DDX60: variants seen among roughly 807,000 people sequenced by gnomAD.
DDX60 encodes DExD/H-box helicase 60.
Under a neutral mutation model 212.8 loss-of-function variants are expected in DDX60, and 165 were observed. That is an observed-to-expected ratio of 0.78 (90% CI 0.68 to 0.88). The LOEUF (loss-of-function observed/expected upper bound fraction) is 0.88, where lower values mean the gene tolerates loss of function less well. DDX60 is among the 40% of genes least tolerant of loss of function. The pLI, the probability that DDX60 is intolerant of heterozygous loss-of-function variation, is 0.00. For missense variants in DDX60, 1,905 were observed against 2,003.9 expected, an observed-to-expected ratio of 0.95 and a Z score of 0.94; for synonymous variants, 703 against 685.3, an observed-to-expected ratio of 1.03 and a Z score of -0.40.
rs570321512 is a variant in DDX60, at chr4:168,295,078, TAAC to T, written c.724-1136_724-1134del. Among the ~76,000 whole-genome samples the T allele has an allele frequency of 9.9e-4, 151 of 152,294 alleles. 2 individuals are homozygous for T. Among genetic ancestry groups the T allele is most frequent in the Admixed American group, 8.8e-3 (135 of 15,300 alleles). On this transcript the variant is annotated intron_variant, in intron 6 of 37. Coordinates refer to ENST00000393743, the MANE Select transcript of DDX60 (RefSeq NM_017631.6). The stretch of plus-strand genomic sequence containing the variant: ...GGGCTTTTATCAAAAAGATGAAAGA[TAAC>T]AAGTGTCAGAGAGGAAGCAGAGAAA...
At chr4:168,265,585 A>T (rs913132760) in intron 22 of DDX60, 1 of 152,152 alleles carries the variant, frequency 6.6e-6, no homozygotes, top group African/African-American at 2.4e-5. Context: ...TAGCAGTTCT[A>T]TTGCTTTCCA....
chr4:168,268,214 TA>T (rs1476211291), intron 20 of DDX60, among the ~76,000 whole-genome samples: 1 of 152,162 alleles, frequency 6.6e-6, no homozygotes, highest in Non-Finnish European at 1.5e-5. Context: ...AAAATGGAAA[TA>T]TGGTATTCAT....
intron 25 of DDX60, among the ~76,000 whole-genome samples, chr4:168,259,035 T>G (rs1316981054): frequency 1.3e-5 from 2 of 152,170 alleles, no homozygotes; most frequent in Non-Finnish European, 1.5e-5. Context: ...TTACCACTCT[T>G]TGTCCAATTC....
intron 29 of DDX60, among the ~76,000 whole-genome samples, chr4:168,247,882 C>T (rs564026378): frequency 6.6e-6 from 1 of 152,298 alleles, no homozygotes; most frequent in African/African-American, 2.4e-5. Flanking sequence ...ATCTTCCATA[C>T]AAATCACTTA....
At chr4:168,255,891 G>T in intron 25 of DDX60, 22 bp from the exon 26 acceptor site, 1 of 1,562,578 alleles carries the variant, frequency 6.4e-7, no homozygotes, top group South Asian at 1.2e-5. Flanking sequence ...AAGAATGTGC[G>T]CCTTGAAAAT....
chr4:168,251,015 C>T lies in DDX60; in HGVS notation c.3797G>A (p.Ser1266Asn), dbSNP rs368455295. The change falls in exon 28 of 38, where the codon AGT becomes AAT. Residue 1266 changes from serine to asparagine, a missense_variant. By Grantham distance (46) the Ser-to-Asn change is conservative (BLOSUM62 1). Transcript: ENST00000393743. ...LAERGIGYHH[S>N]AMSFKEKQLV... Reference sequence around the variant, plus strand: ...TTGTTTTTCTTTGAAACTCATAGCACTGTGATGATATCCAATACCCCTTTC... The same window carrying T: ...TTGTTTTTCTTTGAAACTCATAGCATTGTGATGATATCCAATACCCCTTTC... The T allele has an allele frequency of 1.2e-6, 2 of 1,611,712 alleles. No homozygotes were observed. Among genetic ancestry groups the T allele is most frequent in the Non-Finnish European group, 1.7e-6 (2 of 1,178,326 alleles).
Position 168,275,985 on chromosome 4 carries a change from G to A in DDX60, c.2145+30C>T, listed in dbSNP as rs190659273. 9 of 1,554,466 alleles carry A rather than the reference G, an allele frequency of 5.8e-6. No homozygotes were observed. The Admixed American group carries it at 1.1e-4, about 19-fold the overall frequency. On this transcript the variant is annotated intron_variant, in intron 15 of 37. Transcript: ENST00000393743. The stretch of plus-strand genomic sequence containing the variant: ...TTTATGTATACCTAATAATTACCCT[G>A]TTGAAATTGAGCTATTCTGATAATA...
At position 168,291,912 on chromosome 4, in the gene DDX60, T is replaced by C; in HGVS notation, c.883-6A>G. 1.2e-6 allele frequency: 2 copies of C among 1,600,280 alleles called. No individual in the cohort carries two copies. Among genetic ancestry groups the C allele is most frequent in the Non-Finnish European group, 1.7e-6 (2 of 1,174,732 alleles). On this transcript the variant is annotated splice_region_variant and splice_polypyrimidine_tract_variant and intron_variant, in intron 7 of 37. Transcript: ENST00000393743. Reference sequence around the variant, plus strand: ...GTTAAGCAATTACTGTTCACCTGAATAAAATAAAGAAGGTATAAGCCAGAG... The same window carrying C: ...GTTAAGCAATTACTGTTCACCTGAACAAAATAAAGAAGGTATAAGCCAGAG...
At chr4:168,276,573 T>A (rs1299683371) in intron 14 of DDX60, among the ~76,000 whole-genome samples, 1 of 152,210 alleles carries the variant, frequency 6.6e-6, no homozygotes, top group Non-Finnish European at 1.5e-5. Context: ...ATTTATTGAG[T>A]CCTATGGTTG....
At chr4:168,286,651 G>T (rs1193653243) in intron 10 of DDX60, among the ~76,000 whole-genome samples, 1 of 151,988 alleles carries the variant, frequency 6.6e-6, no homozygotes, top group African/African-American at 2.4e-5. Context: ...GAGAGCCCAT[G>T]TGGCCTTCCC....
At chr4:168,299,053 C>T (rs1015968905) in intron 6 of DDX60, among the ~76,000 whole-genome samples, 1 of 147,536 alleles carries the variant, frequency 6.8e-6, no homozygotes, top group African/African-American at 2.5e-5. Context: ...CCCAGCTACT[C>T]GGAAGGCTGA....
At chr4:168,264,074 C>G (rs1734737218) in intron 22 of DDX60, among the ~76,000 whole-genome samples, 1 of 151,990 alleles carries the variant, frequency 6.6e-6, no homozygotes, top group South Asian at 2.1e-4. Flanking sequence ...AAAAGCCACT[C>G]CAAACACAAC....
intron 36 of DDX60, 57 bp from the exon 37 acceptor site, chr4:168,220,774 T>A: frequency 1.1e-6 from 1 of 945,236 alleles, no homozygotes; most frequent in Non-Finnish European, 1.5e-6. Context: ...AACATCCTAT[T>A]TTATATTTAA....
Position 168,274,066 on chromosome 4 carries a change from A to G in DDX60, c.2322T>C (p.Val774=). The G allele has an allele frequency of 6.2e-7, 1 of 1,614,158 alleles. No individual in the cohort carries two copies. Among genetic ancestry groups the G allele is most frequent in the Non-Finnish European group, 8.5e-7 (1 of 1,179,992 alleles). ...PDTWQRELLD[V]VDKNESAVIV... ...TCACTGCTGACTCATTCTTATCCACAACATCAAGGAGCTCTCGCTGCAGGG... is the reference window on the plus strand; with the variant it reads ...TCACTGCTGACTCATTCTTATCCACGACATCAAGGAGCTCTCGCTGCAGGG... Residue 774 remains valine (V), a synonymous_variant, in exon 17 of 38, where the codon GTT becomes GTC. Transcript: ENST00000393743.
At chr4:168,225,072 T>A (rs893549864) in intron 34 of DDX60, among the ~76,000 whole-genome samples, 1 of 152,080 alleles carries the variant, frequency 6.6e-6, no homozygotes, top group East Asian at 1.9e-4. Flanking sequence ...GATAATGCTA[T>A]TCCCTTTCTC....
chr4:168,280,357 T>C lies in DDX60; in HGVS notation c.1956A>G (p.Lys652=), dbSNP rs1735534177. 1 of 1,612,858 alleles carries C rather than the reference T, an allele frequency of 6.2e-7. No homozygotes were observed. Among genetic ancestry groups the C allele is most frequent in the Non-Finnish European group, 8.5e-7 (1 of 1,179,580 alleles). The stretch of plus-strand genomic sequence containing the variant: ...TACCTTCTTCACTTCGGCAATGTTC[T>C]TTCCAGGCTTTCAAGCAAGCAGTTA... The part of the protein sequence containing the change: ...VGLTACLKAW[K]EHCRSEEGKT... The change falls in exon 14 of 38, where the codon AAA becomes AAG. Residue 652 remains lysine, a synonymous_variant. Transcript: ENST00000393743.
intron 3 of DDX60, among the ~76,000 whole-genome samples, chr4:168,308,556 A>G (rs1736992876): frequency 6.6e-6 from 1 of 151,906 alleles, no homozygotes; most frequent in African/African-American, 2.4e-5. Context: ...CTATTGACAA[A>G]TTAAGCAAGA....
In DDX60 at chr4:168,293,841, A is replaced by G; in HGVS notation, c.828T>C (p.His276=). 6.2e-7 allele frequency: 1 copy of G among 1,614,002 alleles called. No homozygotes were observed. The highest frequency in any genetic ancestry group is 8.5e-7 in the Non-Finnish European group (1 of 1,179,930). Residue 276 remains histidine, a synonymous_variant, in exon 7 of 38, where the codon CAT becomes CAC. Coordinates refer to ENST00000393743, the MANE Select transcript of DDX60 (RefSeq NM_017631.6). Reference sequence around the variant, plus strand: ...AGGGCTCTCTGTTTCCTAAAAAGCGATGGTACATTCTCAAAGATAATGAGC... The same window carrying G: ...AGGGCTCTCTGTTTCCTAAAAAGCGGTGGTACATTCTCAAAGATAATGAGC... ...TSCSLSLRMY[H]RFLGNREPSS...
At chr4:168,231,922 C>A (rs192595157) in intron 33 of DDX60, among the ~76,000 whole-genome samples, 2 of 152,068 alleles carry the variant, frequency 1.3e-5, no homozygotes, top group Admixed American at 1.3e-4. Flanking sequence ...GGAAGTCAAA[C>A]TGTCACCATT....
Sources: allele counts gnomAD v4.1 joint callset (sites outside exome capture counted in the v4.1 genomes callset), GRCh38; gene constraint gnomAD v4.1.1; transcripts MANE v1.5; gene names NCBI Gene and HGNC (gene_info 2026-07-23, HGNC 2026-07-21).